The following CSNK1A1 variants were observed in gnomAD, a reference collection of about 807,000 sequenced individuals.
CSNK1A1 encodes casein kinase 1 alpha 1, also known as casein kinase I isoform alpha.
In CSNK1A1, 7 loss-of-function variants were observed where a neutral mutation model predicts 46.1. The ratio of observed to expected loss-of-function variants is 0.15; its 90% CI spans 0.09 to 0.29. The LOEUF is 0.29. CSNK1A1 is among the 10% of genes least tolerant of loss of function. The pLI is 1.00. For missense variants in CSNK1A1, 96 were observed against 417.1 expected, an observed-to-expected ratio of 0.23 and a Z score of 6.71; for synonymous variants, 137 against 141.5, an observed-to-expected ratio of 0.97 and a Z score of 0.23.
chr5:149,504,840 A>C, intron 9 of CSNK1A1: 1 of 985,454 alleles, frequency 1.0e-6, no homozygotes, highest in Non-Finnish European at 1.2e-6. Context: ...TTGTGACTAG[A>C]AAAGATGTGC....
Position 149,543,474 on chromosome 5 carries a change from G to A in CSNK1A1, c.230+6601C>T, listed in dbSNP as rs116432513. On this transcript the variant is annotated intron_variant, in intron 2 of 9. Coordinates refer to ENST00000377843, the MANE Select transcript of CSNK1A1 (RefSeq NM_001892.6). Reference sequence around the variant, plus strand: ...AAGCACATTTCTCGTGATCTGTGACGTACGTTTTTCTGGTTTTTTTTTTTT... The same window carrying A: ...AAGCACATTTCTCGTGATCTGTGACATACGTTTTTCTGGTTTTTTTTTTTT... 2.8e-3 allele frequency among the ~76,000 whole-genome samples: 421 copies of A among 151,548 alleles called. 12 individuals are homozygous for A. The South Asian group carries it at 0.08, about 29-fold the overall frequency.
chr5:149,513,498 A>G (rs1345522432), intron 4 of CSNK1A1, among the ~76,000 whole-genome samples: 1 of 152,204 alleles, frequency 6.6e-6, no homozygotes, highest in East Asian at 1.9e-4. Flanking sequence ...TAAAGAAAGA[A>G]ATGTATACAT....
rs143503233 is a variant in CSNK1A1 at position 149,541,587 on chromosome 5, C to G, written c.230+8488G>C. Among the ~76,000 whole-genome samples, 251 of 152,314 alleles carry G rather than the reference C, an allele frequency of 1.6e-3. 1 individual carries two copies. Among genetic ancestry groups the G allele is most frequent in the African/African-American group, 5.8e-3 (240 of 41,566 alleles). Reference sequence around the variant, plus strand: ...AAATGATGAAAGTTATGAAGACACTCATTCTTGACAGCAAAAATCCCTGGT... The same window carrying G: ...AAATGATGAAAGTTATGAAGACACTGATTCTTGACAGCAAAAATCCCTGGT... On this transcript the variant is annotated intron_variant, in intron 2 of 9. Transcript: ENST00000377843.
In CSNK1A1 at chr5:149,550,878, C is replaced by T. The variant is rs764645875; in HGVS notation, c.87G>A (p.Gly29=). The change falls in exon 1 of 10, where the codon GGG becomes GGA. Residue 29 remains glycine, a synonymous_variant. Transcript: ENST00000377843. This position sits in a 1 kb window ranked among gnomAD's most constrained non-coding sequence, Gnocchi z 4.3. Reference sequence around the variant, plus strand: ...TGATGTTGATCGCCAAATAGATGTCCCCGAAGGAGCCAGACCCGATCTTCC... The same window carrying T: ...TGATGTTGATCGCCAAATAGATGTCTCCGAAGGAGCCAGACCCGATCTTCC... ...LVRKIGSGSF[G]DIYLAINITN... 6.2e-7 allele frequency: 1 copy of T among 1,613,998 alleles called. No homozygotes were observed. The highest frequency in any genetic ancestry group is 2.2e-5 in the East Asian group (1 of 44,886).
At chr5:149,540,657 TAAATA>T (rs1307849588) in intron 2 of CSNK1A1, among the ~76,000 whole-genome samples, 2 of 151,510 alleles carry the variant, frequency 1.3e-5, no homozygotes, top group East Asian at 3.9e-4. Flanking sequence ...AAAAAATAAA[TAAATA>T]AAATAAAACT....
chr5:149,545,999 C>T (rs1762469135), intron 2 of CSNK1A1, among the ~76,000 whole-genome samples: 2 of 151,878 alleles, frequency 1.3e-5, no homozygotes, highest in Non-Finnish European at 2.9e-5. Flanking sequence ...AGCAATTCTC[C>T]TGCCTCAGCC....
chr5:149,501,640 A>T (rs997533687), intron 9 of CSNK1A1: 1 of 985,338 alleles, frequency 1.0e-6, no homozygotes, highest in South Asian at 4.7e-5. Context: ...TAGGGTAGTA[A>T]ACAGATGGGT....
At chr5:149,533,174 A>C (rs929474931) in intron 2 of CSNK1A1, among the ~76,000 whole-genome samples, 2 of 152,206 alleles carry the variant, frequency 1.3e-5, no homozygotes, top group Non-Finnish European at 2.9e-5. Flanking sequence ...AACAAAAAAA[A>C]CTTTACCACT....
At chr5:149,515,395 C>G (rs998980508) in intron 4 of CSNK1A1, among the ~76,000 whole-genome samples, 4 of 152,174 alleles carry the variant, frequency 2.6e-5, no homozygotes, top group African/African-American at 9.7e-5. Context: ...ATTCAGTGTT[C>G]GCTGGAGAGT....
intron 2 of CSNK1A1, among the ~76,000 whole-genome samples, chr5:149,533,627 C>A (rs556483064): frequency 6.6e-6 from 1 of 150,614 alleles, no homozygotes; most frequent in South Asian, 2.1e-4. Flanking sequence ...CCGTAATACC[C>A]AAAGTGTTAT....
chr5:149,549,490 A>G, intron 2 of CSNK1A1: 1 of 702,532 alleles, frequency 1.4e-6, no homozygotes. Context: ...TTGGCTTTTC[A>G]AAGGTTTAAT....
intron 9 of CSNK1A1, chr5:149,503,671 A>T: frequency 2.0e-6 from 2 of 985,466 alleles, no homozygotes; most frequent in Non-Finnish European, 2.4e-6. Context: ...CAATGAAACT[A>T]ACTCAGTGGA....
intron 2 of CSNK1A1, among the ~76,000 whole-genome samples, chr5:149,533,406 T>C (rs961868065): frequency 1.3e-5 from 2 of 152,028 alleles, no homozygotes; most frequent in African/African-American, 4.8e-5. Flanking sequence ...GTAAGGTTGA[T>C]TCTCAAAGGA....
At chr5:149,544,513 A>T (rs56393852) in intron 2 of CSNK1A1, among the ~76,000 whole-genome samples, 97,167 of 150,886 alleles carry the variant, frequency 0.64, 32,579 homozygotes, top group East Asian at 0.99. Flanking sequence ...AAAAATTTAA[A>T]AAAATTTTTA....
At position 149,509,874 on chromosome 5, in the gene CSNK1A1, C is replaced by T. The variant is rs1197646154; in HGVS notation, c.750+5G>A. 2 of 1,600,730 alleles carry T rather than the reference C, an allele frequency of 1.2e-6. No homozygotes were observed. Among genetic ancestry groups the T allele is most frequent in the South Asian group, 1.1e-5 (1 of 90,314 alleles). On this transcript the variant is annotated splice_donor_5th_base_variant and intron_variant, in intron 7 of 9. Transcript: ENST00000377843. ...ATTTTTTTAATATTCATCATGCATA[C>T]TTACCTTACATAAAACTTCAACAGG...
chr5:149,544,576 G>A (rs960701319), intron 2 of CSNK1A1, among the ~76,000 whole-genome samples: 1 of 151,002 alleles, frequency 6.6e-6, no homozygotes, highest in African/African-American at 2.4e-5. Context: ...CACAAAAAAA[G>A]GTTTTAACAG....
chr5:149,549,400 A>C (rs1762587301), intron 2 of CSNK1A1: 2 of 682,544 alleles, frequency 2.9e-6, no homozygotes, highest in Non-Finnish European at 5.4e-6. Context: ...TTCGTGTCAC[A>C]TCTGCTGCAG....
In CSNK1A1 at chr5:149,550,392, T is replaced by C. The variant is rs1018055194; in HGVS notation, c.124-211A>G. On this transcript the variant is annotated intron_variant, in intron 1 of 9. Coordinates refer to ENST00000377843, the MANE Select transcript of CSNK1A1 (RefSeq NM_001892.6). This position sits in a 1 kb window ranked among gnomAD's most constrained non-coding sequence, Gnocchi z 4.3. ...GACGAAATCCGTACGTCCTCTAAAG[T>C]GCAGGAAAATGATTCATCCAGAAAA... 8 of 1,338,540 alleles carry C rather than the reference T, an allele frequency of 6.0e-6. No individual in the cohort carries two copies. Among genetic ancestry groups the C allele is most frequent in the African/African-American group, 1.5e-5 (1 of 66,996 alleles). The allele number at this position is 1,338,540 out of a possible 1,614,324, so 82.9% of individuals were successfully genotyped here. A position where few individuals can be genotyped will look rare whatever the true frequency, so the allele number is the denominator to read the frequency against.
At chr5:149,514,098 T>G (rs1368589444) in intron 4 of CSNK1A1, among the ~76,000 whole-genome samples, 1 of 152,166 alleles carries the variant, frequency 6.6e-6, no homozygotes, top group African/African-American at 2.4e-5. Context: ...TCTGGAAAAT[T>G]TAACAAGTTG....
Sources: allele counts gnomAD v4.1 joint callset (sites outside exome capture counted in the v4.1 genomes callset), GRCh38; gene constraint gnomAD v4.1.1; non-coding constraint Gnocchi (gnomAD v3.1); transcripts MANE v1.5; gene names NCBI Gene and HGNC (gene_info 2026-07-23, HGNC 2026-07-21).